The following IQCK variants were observed in gnomAD, a reference collection of about 807,000 sequenced individuals.
IQCK encodes IQ domain-containing protein K.
A neutral mutation model predicts 28.1 loss-of-function variants in IQCK; 29 were observed. The observed-to-expected ratio is 1.03, with a 90% CI of 0.77 to 1.41. The LOEUF (loss-of-function observed/expected upper bound fraction) is 1.41. Ranked by LOEUF, IQCK falls within the 40% of genes most tolerant of loss-of-function variation. The pLI is 0.00. For synonymous variants in IQCK, 113 were observed against 115.1 expected (o/e 0.98, Z 0.12); for missense variants, 359 against 314.7 (o/e 1.14, Z -1.07).
chr16:19,783,240 C>G (rs928175676), intron 6 of IQCK, among the ~76,000 whole-genome samples: 1 of 152,074 alleles, frequency 6.6e-6, no homozygotes, highest in Non-Finnish European at 1.5e-5. Flanking sequence ...CTCAGGTGAT[C>G]CACCCACCTC....
At chr16:19,764,692 C>CTT (rs1277213098) in intron 6 of IQCK, among the ~76,000 whole-genome samples, 20 of 131,792 alleles carry the variant, frequency 1.5e-4, no homozygotes, top group African/African-American at 4.3e-4. Context: ...CCTTTAATTT[C>CTT]TTTTTTTTTT....
chr16:19,790,326 A>G lies in IQCK; in HGVS notation c.690+1404A>G, dbSNP rs189583633. Among the ~76,000 whole-genome samples the G allele has an allele frequency of 4.9e-5, 4 of 82,226 alleles. No homozygotes were observed. The East Asian group carries it at 1.2e-3, about 25-fold the overall frequency. 53.9% of individuals were successfully genotyped at this position (82,226 alleles called of 152,430 possible). On this transcript the variant is annotated intron_variant, in intron 7 of 7. Transcript: ENST00000564186. ...TGTATCTCATTCCAAAAAGTATACA[A>G]CCTCTCCAATTATTTGGCAATTAGT...
chr16:19,828,417 A>G (rs1210229616), downstream of IQCK, among the ~76,000 whole-genome samples: 1 of 141,084 alleles, frequency 7.1e-6, no homozygotes, highest in Non-Finnish European at 1.5e-5. Flanking sequence ...TATTTTTAGT[A>G]GAGACAGGGT....
intron 1 of IQCK, among the ~76,000 whole-genome samples, chr16:19,722,863 C>G (rs1977538843): frequency 1.3e-5 from 2 of 152,120 alleles, no homozygotes; most frequent in Admixed American, 1.3e-4. Flanking sequence ...ATTACAGGCA[C>G]TTGACACCAT....
intron 4 of IQCK, among the ~76,000 whole-genome samples, chr16:19,758,596 G>A (rs1343467738): frequency 6.6e-6 from 1 of 152,054 alleles, no homozygotes; most frequent in Non-Finnish European, 1.5e-5. Context: ...ATTATTATAC[G>A]GCAATTCAGG....
intron 6 of IQCK, among the ~76,000 whole-genome samples, chr16:19,786,728 G>A (rs943727015): frequency 1.5e-4 from 21 of 137,942 alleles, no homozygotes; most frequent in African/African-American, 6.5e-4. Flanking sequence ...AAGAGAGGAA[G>A]AAGGGAAAGA....
chr16:19,727,596 C>CG (rs1261195406), intron 1 of IQCK, among the ~76,000 whole-genome samples: 1 of 147,042 alleles, frequency 6.8e-6, no homozygotes, highest in Non-Finnish European at 1.5e-5. Flanking sequence ...CCCCCCCCCC[C>CG]CAAAAAAAAA....
chr16:19,827,168 A>G, exon 8 of IQCK: 1 of 1,443,612 alleles, frequency 6.9e-7, no homozygotes, highest in Non-Finnish European at 9.8e-7. Context: ...TCCTTAGTTC[A>G]TTCAAGAAAA....
chr16:19,733,883 A>G (rs1198205799), intron 3 of IQCK, 56 bp downstream of exon 3: 2 of 1,597,584 alleles, frequency 1.3e-6, no homozygotes, highest in African/African-American at 1.3e-5. Flanking sequence ...TTGCAGAACC[A>G]CAGGGTGGGT....
At chr16:19,727,958 C>T (rs9929860) in intron 1 of IQCK, among the ~76,000 whole-genome samples, 2,792 of 152,074 alleles carry the variant, frequency 0.018, 67 homozygotes, top group African/African-American at 0.063. Flanking sequence ...TTCAATCAAA[C>T]GCTAATCTAG....
intron 4 of IQCK, among the ~76,000 whole-genome samples, chr16:19,740,966 T>TA (rs59584575): frequency 0.16 from 21,140 of 129,128 alleles, 1,767 homozygotes; most frequent in South Asian, 0.27. Flanking sequence ...AGACTCCATC[T>TA]AAAAAAAAAA....
chr16:19,840,368 TAAAG>T (rs950319180), intron 9 of IQCK, among the ~76,000 whole-genome samples: 11 of 151,684 alleles, frequency 7.3e-5, no homozygotes, highest in Non-Finnish European at 1.3e-4. Flanking sequence ...AAAATAATAA[TAAAG>T]AAAGAAAGAC....
At chr16:19,719,804 G>T (rs1465121939) in intron 1 of IQCK, among the ~76,000 whole-genome samples, 3 of 150,628 alleles carry the variant, frequency 2.0e-5, no homozygotes, top group Non-Finnish European at 4.4e-5. Context: ...CTCCTGAGTA[G>T]CTGGGATTAC....
chr16:19,735,330 G>T (rs746822244), intron 3 of IQCK, 23 bp from the exon 4 acceptor site: 1 of 1,560,494 alleles, frequency 6.4e-7, no homozygotes, highest in Non-Finnish European at 8.8e-7. Flanking sequence ...TTTGCAGGGG[G>T]AATTTTTGTT....
intron 1 of IQCK, among the ~76,000 whole-genome samples, chr16:19,727,238 T>C (rs188627464): frequency 3.8e-4 from 58 of 152,300 alleles, no homozygotes; most frequent in Non-Finnish European, 6.0e-4. Context: ...CACAGTGTTA[T>C]GTGGTTCTAT....
At chr16:19,784,497 C>T (rs1323182129) in intron 6 of IQCK, among the ~76,000 whole-genome samples, 1 of 152,202 alleles carries the variant, frequency 6.6e-6, no homozygotes, top group Non-Finnish European at 1.5e-5. Context: ...AAATGCTTAA[C>T]ACACAGCTGG....
At chr16:19,856,519 G>A in exon 10 of IQCK, 1 of 1,613,950 alleles carries the variant, frequency 6.2e-7, no homozygotes. Context: ...TGCAGTACCT[G>A]CAGCCAAGAT....
At chr16:19,760,877 G>T (rs2055128736) in intron 4 of IQCK, among the ~76,000 whole-genome samples, 1 of 152,162 alleles carries the variant, frequency 6.6e-6, no homozygotes, top group Non-Finnish European at 1.5e-5. Context: ...TTGAGTATAT[G>T]CTAAGCAAGG....
intron 6 of IQCK, among the ~76,000 whole-genome samples, chr16:19,781,717 G>A (rs1387263663): frequency 6.6e-6 from 1 of 152,132 alleles, no homozygotes; most frequent in African/African-American, 2.4e-5. Context: ...GGCAGGGCGT[G>A]GTGGCTCACG....
Sources: allele counts gnomAD v4.1 joint callset (sites outside exome capture counted in the v4.1 genomes callset), GRCh38; gene constraint gnomAD v4.1.1; transcripts MANE v1.5; gene names NCBI Gene and HGNC (gene_info 2026-07-23, HGNC 2026-07-21).